MCF2L2: variants seen among roughly 807,000 people sequenced by gnomAD.
The protein encoded by MCF2L2 is probable guanine nucleotide exchange factor MCF2L2.
A neutral mutation model predicts 150.2 loss-of-function variants in MCF2L2; 102 were observed. That is an observed-to-expected ratio of 0.68 (90% confidence interval 0.58 to 0.80). The LOEUF (loss-of-function observed/expected upper bound fraction) is 0.80, where lower values mean the gene tolerates loss of function less well. Ranked by LOEUF, MCF2L2 falls within the 30% of genes least tolerant of loss-of-function variation. The probability of loss-of-function intolerance (pLI) is 0.00; values close to 1 mark genes in which losing one functional copy is unlikely to be tolerated. For missense variants in MCF2L2, 1,256 were observed against 1,372.8 expected, an observed-to-expected ratio of 0.91 and a Z score of 1.34; for synonymous variants, 465 against 491.3, an observed-to-expected ratio of 0.95 and a Z score of 0.71.
At chr3:183,195,715 G>GC (rs1346066967) in intron 25 of MCF2L2, among the ~76,000 whole-genome samples, 4 of 152,010 alleles carry the variant, frequency 2.6e-5, no homozygotes, top group Non-Finnish European at 1.5e-5. Context: ...ACCTCCAGAG[G>GC]CCCCCCACTG....
chr3:183,310,845 G>T, intron 9 of MCF2L2, 70 bp downstream of exon 9: 1 of 1,005,266 alleles, frequency 9.9e-7, no homozygotes, highest in Non-Finnish European at 1.5e-6. Flanking sequence ...ATACCAAAGA[G>T]TGAGGAGGGA....
At chr3:183,202,937 A>G (rs556543821) in intron 25 of MCF2L2, among the ~76,000 whole-genome samples, 1 of 152,358 alleles carries the variant, frequency 6.6e-6, no homozygotes, top group African/African-American at 2.4e-5. Context: ...GGCCAGGTGC[A>G]GTGGCTCATG....
At chr3:183,359,402 T>C (rs948131023) in intron 3 of MCF2L2, among the ~76,000 whole-genome samples, 4 of 152,226 alleles carry the variant, frequency 2.6e-5, no homozygotes, top group Non-Finnish European at 5.9e-5. Context: ...GCTCATGCAC[T>C]CTGCAGGGAA....
chr3:183,216,217 G>T, intron 21 of MCF2L2, 123 bp from the exon 22 acceptor site: 1 of 1,047,832 alleles, frequency 9.5e-7, no homozygotes, highest in Non-Finnish European at 1.4e-6. Context: ...GGTGGATATT[G>T]ATCTGTCTCC....
chr3:183,315,847 T>C (rs766466087), intron 7 of MCF2L2, among the ~76,000 whole-genome samples: 1 of 152,228 alleles, frequency 6.6e-6, no homozygotes, highest in Non-Finnish European at 1.5e-5. Context: ...CCCCTAGTTA[T>C]GTGTCCTTAT....
intron 16 of MCF2L2, among the ~76,000 whole-genome samples, chr3:183,230,596 C>T (rs1300547604): frequency 6.6e-6 from 1 of 151,934 alleles, no homozygotes; most frequent in Admixed American, 6.6e-5. Flanking sequence ...ATAGGGAAAA[C>T]ATGCATTTTT....
rs551598254 is a variant in MCF2L2 at position 183,282,659 on chromosome 3, G to A, written c.1777-5702C>T. 1.1e-4 allele frequency among the ~76,000 whole-genome samples: 17 copies of A among 152,300 alleles called. 1 individual carries two copies. In the South Asian group the frequency reaches 3.5e-3, roughly 32 times the overall value. On this transcript the variant is annotated intron_variant, in intron 14 of 29. Transcript: ENST00000328913. ...GCCCGTACATCTTTGAATCTTCTCA[G>A]GCTGTTTGGTTTCATCTGATTTTAA...
chr3:183,361,070 C>CAGAAGAGAAG lies in MCF2L2; in HGVS notation c.275+18217_275+18226dup, dbSNP rs879802085. Among the ~76,000 whole-genome samples the CAGAAGAGAAG allele has an allele frequency of 1.8e-3, 192 of 109,094 alleles. 1 individual carries two copies. The highest frequency in any genetic ancestry group is 3.8e-3 in the African/African-American group (84 of 21,914). 71.6% of individuals were successfully genotyped at this position (109,094 alleles called of 152,430 possible). On this transcript the variant is annotated intron_variant, in intron 3 of 29. Coordinates refer to ENST00000328913, the MANE Select transcript of MCF2L2 (RefSeq NM_015078.4). ...AAAGGAAAGGAAAGACCAGATAAGA[C>CAGAAGAGAAG]AGAAGAGAAGACAAGACAAGACAAG...
intron 22 of MCF2L2, among the ~76,000 whole-genome samples, chr3:183,209,639 T>C (rs1376672274): frequency 3.3e-5 from 5 of 151,956 alleles, no homozygotes; most frequent in African/African-American, 1.2e-4. Flanking sequence ...CAGGCGTGCA[T>C]TACCATGCCC....
At chr3:183,281,039 T>C (rs1178490601) in intron 14 of MCF2L2, among the ~76,000 whole-genome samples, 4 of 152,022 alleles carry the variant, frequency 2.6e-5, no homozygotes, top group Non-Finnish European at 5.9e-5. Flanking sequence ...GCATAGAGAA[T>C]GATAATAAAA....
chr3:183,228,685 G>T (rs1238688467), intron 17 of MCF2L2, among the ~76,000 whole-genome samples: 1 of 152,158 alleles, frequency 6.6e-6, no homozygotes, highest in African/African-American at 2.4e-5. Flanking sequence ...GGCACAGGGG[G>T]TCAGGATCAT....
At chr3:183,345,866 C>T (rs916604431) in intron 3 of MCF2L2, among the ~76,000 whole-genome samples, 13 of 152,240 alleles carry the variant, frequency 8.5e-5, no homozygotes, top group African/African-American at 3.1e-4. Flanking sequence ...CAAGACTAAA[C>T]CAGGAAGAAG....
chr3:183,251,908 T>C (rs1253331884), intron 15 of MCF2L2, among the ~76,000 whole-genome samples: 1 of 151,374 alleles, frequency 6.6e-6, no homozygotes, highest in African/African-American at 2.4e-5. Flanking sequence ...TCACACCCTC[T>C]CATCTCTCCC....
intron 1 of MCF2L2, among the ~76,000 whole-genome samples, chr3:183,406,614 G>A (rs891536502): frequency 4.6e-5 from 7 of 151,978 alleles, no homozygotes; most frequent in African/African-American, 7.3e-5. Flanking sequence ...TCAGCCTCCC[G>A]AGTAGCTGAG....
intron 1 of MCF2L2, among the ~76,000 whole-genome samples, chr3:183,423,220 C>A (rs1194743142): frequency 2.0e-5 from 3 of 152,164 alleles, no homozygotes; most frequent in Admixed American, 2.0e-4. Flanking sequence ...TCTTTCAGTA[C>A]CAACAGCTGA....
At chr3:183,345,156 C>T (rs1391124717) in intron 3 of MCF2L2, among the ~76,000 whole-genome samples, 1 of 152,070 alleles carries the variant, frequency 6.6e-6, no homozygotes, top group African/African-American at 2.4e-5. Flanking sequence ...TAAAACTGAC[C>T]ACATAATTGG....
intron 1 of MCF2L2, among the ~76,000 whole-genome samples, chr3:183,392,430 C>A (rs1167711138): frequency 6.6e-6 from 1 of 151,910 alleles, no homozygotes; most frequent in African/African-American, 2.4e-5. Context: ...CTGAGGTTTG[C>A]CCATCCCCCC....
At position 183,427,751 on chromosome 3, in the gene MCF2L2, A is replaced by C. The variant is rs570707501; in HGVS notation, c.76+151T>G. 2.1e-4 allele frequency: 144 copies of C among 689,634 alleles called. No individual in the cohort carries two copies. In the East Asian group the frequency reaches 3.8e-3, roughly 18 times the overall value. The allele number at this position is 689,634 out of a possible 1,614,324, so 42.7% of individuals were successfully genotyped here. Reference sequence around the variant, plus strand: ...ATGCCCCCCGCTGGGCACCGCAGGCAGGACCCAGAGCAGCGAGGCCCAGAT... The same window carrying C: ...ATGCCCCCCGCTGGGCACCGCAGGCCGGACCCAGAGCAGCGAGGCCCAGAT... On this transcript the variant is annotated intron_variant, in intron 1 of 29. Transcript: ENST00000328913.
At chr3:183,195,651 A>G (rs1722058620) in intron 25 of MCF2L2, among the ~76,000 whole-genome samples, 1 of 152,184 alleles carries the variant, frequency 6.6e-6, no homozygotes. Context: ...AGCGATAAGA[A>G]TCACATTCTT....
Sources: gnomAD v4.1 joint callset for allele counts (sites outside exome capture counted in the v4.1 genomes callset) on GRCh38, gnomAD v4.1.1 for gene constraint, MANE v1.5 for transcripts, NCBI Gene and HGNC (gene_info 2026-07-23, HGNC 2026-07-21) for gene names.